GPC6: variants seen among roughly 807,000 people sequenced by gnomAD.
The protein encoded by GPC6 is glypican-6.
Under a neutral mutation model 55.2 loss-of-function variants are expected in GPC6, and 14 were observed. The ratio of observed to expected loss-of-function variants is 0.25; its 90% CI spans 0.17 to 0.40. GPC6 has a LOEUF of 0.40. GPC6 is among the 10% of genes least tolerant of loss of function. GPC6 has a pLI of 1.00. For synonymous variants in GPC6, 278 were observed against 259.6 expected (o/e 1.07, Z -0.68); for missense variants, 641 against 708.5 (o/e 0.90, Z 1.08).
intron 1 of GPC6, among the ~76,000 whole-genome samples, chr13:93,255,769 G>A (rs1198874604): frequency 1.3e-5 from 2 of 152,046 alleles, no homozygotes; most frequent in Non-Finnish European, 2.9e-5. Flanking sequence ...ATTTTTTGAG[G>A]CTGGGGAGTA....
intron 1 of GPC6, among the ~76,000 whole-genome samples, chr13:93,367,148 A>T (rs576742080): frequency 6.6e-6 from 1 of 152,246 alleles, no homozygotes; most frequent in African/African-American, 2.4e-5. Flanking sequence ...GGTGAAAAAC[A>T]GGTGCACATT....
At chr13:94,271,380 GCGCACACA>G (rs1030936015) in intron 4 of GPC6, among the ~76,000 whole-genome samples, 6 of 112,504 alleles carry the variant, frequency 5.3e-5, no homozygotes, top group African/African-American at 1.4e-4. Context: ...GCGCGCGCGC[GCGCACACA>G]CACACACACA....
intron 2 of GPC6, among the ~76,000 whole-genome samples, chr13:93,558,006 A>G (rs1310678877): frequency 6.6e-6 from 1 of 152,280 alleles, no homozygotes; most frequent in Non-Finnish European, 1.5e-5. Flanking sequence ...CTATGACATT[A>G]TGTCAAGTTT....
intron 1 of GPC6, among the ~76,000 whole-genome samples, chr13:93,499,758 G>A (rs373145172): frequency 1.3e-5 from 2 of 152,276 alleles, no homozygotes; most frequent in East Asian, 3.9e-4. Flanking sequence ...GTAGAGAAAT[G>A]AATATATCTC....
At chr13:94,059,607 T>C (rs1268224918) in intron 4 of GPC6, among the ~76,000 whole-genome samples, 1 of 152,100 alleles carries the variant, frequency 6.6e-6, no homozygotes, top group Non-Finnish European at 1.5e-5. Flanking sequence ...TTTCTGGGTA[T>C]CTTATACACA....
intron 2 of GPC6, among the ~76,000 whole-genome samples, chr13:93,631,032 G>C (rs902098037): frequency 6.6e-6 from 1 of 152,190 alleles, no homozygotes; most frequent in Admixed American, 6.5e-5. Context: ...CCCATGTGAA[G>C]TTACACGGAG....
intron 1 of GPC6, among the ~76,000 whole-genome samples, chr13:93,512,480 T>C (rs1881018773): frequency 6.6e-6 from 1 of 152,186 alleles, no homozygotes; most frequent in African/African-American, 2.4e-5. Context: ...TTTGTGTATC[T>C]TGAATCATCC....
intron 2 of GPC6, among the ~76,000 whole-genome samples, chr13:93,709,003 C>T (rs974534708): frequency 2.6e-5 from 4 of 151,710 alleles, no homozygotes; most frequent in Non-Finnish European, 4.4e-5. Flanking sequence ...TTATTATATA[C>T]GATGTATTGA....
intron 4 of GPC6, among the ~76,000 whole-genome samples, chr13:94,240,954 A>G (rs972841698): frequency 6.6e-6 from 1 of 152,176 alleles, no homozygotes; most frequent in African/African-American, 2.4e-5. Flanking sequence ...TACTTGGGAA[A>G]TGGCAGGATG....
rs148553866 is a variant in GPC6 at position 93,325,739 on chromosome 13, G to GA, written c.160+98130dup. ...TCTACAAAAAGAAAAAAGAAAGAGA[G>GA]AAAAAAAGAGTGATGGAGGGTGTGG... On this transcript the variant is annotated intron_variant, in intron 1 of 8. Coordinates refer to ENST00000377047, the MANE Select transcript of GPC6 (RefSeq NM_005708.5). 7.3e-3 allele frequency among the ~76,000 whole-genome samples: 1,117 copies of GA among 152,074 alleles called. 14 individuals carry two copies. The highest frequency in any genetic ancestry group is 0.025 in the African/African-American group (1,055 of 41,480).
At chr13:93,768,401 TC>T (rs1885189448) in intron 2 of GPC6, among the ~76,000 whole-genome samples, 1 of 152,200 alleles carries the variant, frequency 6.6e-6, no homozygotes, top group Admixed American at 6.6e-5. Context: ...GATTTCTTAT[TC>T]GATTACCAAT....
At chr13:93,714,497 A>G (rs1460047525) in intron 2 of GPC6, among the ~76,000 whole-genome samples, 1 of 151,886 alleles carries the variant, frequency 6.6e-6, no homozygotes, top group East Asian at 1.9e-4. Flanking sequence ...AATATAAATT[A>G]GTTTGGCCAC....
chr13:93,375,344 C>T (rs923204123), intron 1 of GPC6, among the ~76,000 whole-genome samples: 7 of 152,114 alleles, frequency 4.6e-5, no homozygotes, highest in Admixed American at 3.3e-4. Context: ...GCATTGAGGA[C>T]TGCTTAAAGA....
At position 93,720,710 on chromosome 13, in the gene GPC6, T is replaced by A. The variant is rs183109517; in HGVS notation, c.320-109444T>A. Among the ~76,000 whole-genome samples, 33 of 152,208 alleles carry A rather than the reference T, an allele frequency of 2.2e-4. 1 individual carries two copies. The highest frequency in any genetic ancestry group is 7.2e-4 in the African/African-American group (30 of 41,554). On this transcript the variant is annotated intron_variant, in intron 2 of 8. Transcript: ENST00000377047. ...TTTCTCATGTGGGCATTTAGTGCTATAAATATCCCTCTAAACACTGCTTTA... is the reference window on the plus strand; with the variant it reads ...TTTCTCATGTGGGCATTTAGTGCTAAAAATATCCCTCTAAACACTGCTTTA...
intron 3 of GPC6, among the ~76,000 whole-genome samples, chr13:93,976,568 A>G (rs1017399657): frequency 2.0e-5 from 3 of 151,268 alleles, no homozygotes; most frequent in African/African-American, 7.3e-5. Flanking sequence ...AAGAAATTTG[A>G]GAGATCGCTT....
intron 1 of GPC6, among the ~76,000 whole-genome samples, chr13:93,442,871 G>A (rs1223162238): frequency 2.6e-5 from 4 of 152,112 alleles, no homozygotes; most frequent in Admixed American, 1.3e-4. Context: ...TATTTAGAAA[G>A]TAGATACTGA....
chr13:93,561,628 A>G (rs1875816898), intron 2 of GPC6, among the ~76,000 whole-genome samples: 1 of 151,998 alleles, frequency 6.6e-6, no homozygotes, highest in African/African-American at 2.4e-5. Context: ...ATGGAGGATC[A>G]TTTGTAGGAA....
intron 6 of GPC6, among the ~76,000 whole-genome samples, chr13:94,312,713 C>T (rs1189925338): frequency 8.3e-6 from 1 of 120,982 alleles, no homozygotes; most frequent in South Asian, 2.5e-4. Context: ...CACACGCACA[C>T]GCGCACGCAC....
At chr13:93,746,799 A>G (rs1884414352) in intron 2 of GPC6, among the ~76,000 whole-genome samples, 1 of 152,162 alleles carries the variant, frequency 6.6e-6, no homozygotes, top group Non-Finnish European at 1.5e-5. Flanking sequence ...TACTCTTGAC[A>G]CCAAATGTTT....
Sources: gnomAD v4.1 joint callset for allele counts (sites outside exome capture counted in the v4.1 genomes callset) on GRCh38, gnomAD v4.1.1 for gene constraint, MANE v1.5 for transcripts, NCBI Gene and HGNC (gene_info 2026-07-23, HGNC 2026-07-21) for gene names.